BLNK: variants seen among roughly 807,000 people sequenced by gnomAD.
BLNK encodes the protein B cell linker.
A neutral mutation model predicts 73.5 loss-of-function variants in BLNK; 29 were observed. The ratio of observed to expected loss-of-function variants is 0.39; its 90% confidence interval spans 0.29 to 0.54. The LOEUF (loss-of-function observed/expected upper bound fraction) is 0.54. Among genes scored for constraint, BLNK ranks in the 20% least tolerant of loss-of-function variants. BLNK has a pLI of 0.61. For synonymous variants in BLNK, 176 were observed against 200.8 expected (o/e 0.88, Z 1.04); for missense variants, 460 against 562.8 (o/e 0.82, Z 1.85).
At chr10:96,223,719 CAATAGCAGGTTGTAAAGAAGGAGGA>C in intron 6 of BLNK, 82 bp downstream of exon 6, 8 of 1,358,740 alleles carry the variant, frequency 5.9e-6, no homozygotes, top group Non-Finnish European at 6.3e-6. Context: ...AGGGGGCAGT[CAATAGCAGGTTGTAAAGAAGGAGGA>C]CAGCCAGCGG....
chr10:96,241,734 CT>C (rs34238526), intron 3 of BLNK, among the ~76,000 whole-genome samples: 78,150 of 142,410 alleles, frequency 0.55, 23,493 homozygotes, highest in South Asian at 0.7. Flanking sequence ...TCTTTTCTTT[CT>C]TTTTTTTTTT....
chr10:96,250,276 T>C (rs1190631937), intron 1 of BLNK, among the ~76,000 whole-genome samples: 1 of 152,106 alleles, frequency 6.6e-6, no homozygotes, highest in South Asian at 2.1e-4. Context: ...TAGAATTTGT[T>C]CACATATACT....
intron 2 of BLNK, 129 bp from the exon 3 acceptor site, chr10:96,242,913 A>T: frequency 1.2e-6 from 1 of 823,346 alleles, no homozygotes; most frequent in Non-Finnish European, 2.1e-6. Flanking sequence ...GGACCAATCA[A>T]TGGACAGATT....
chr10:96,223,786 C>T lies in BLNK; in HGVS notation c.525+40G>A, dbSNP rs782007128. ...TGTCCTGGTCGCTTGCCCCACCCCC[C>T]TCTGTGTCCTGGGAAGCCTTTGGCA... On this transcript the variant is annotated intron_variant, in intron 6 of 16. Transcript: ENST00000224337. 6 of 1,611,350 alleles carry T rather than the reference C, an allele frequency of 3.7e-6. No homozygotes were observed. The African/African-American group carries it at 6.7e-5, about 18-fold the overall frequency.
At position 96,227,549 on chromosome 10, in the gene BLNK, A is replaced by G. The variant is rs1188567122; in HGVS notation, c.222T>C (p.Asn74=). The G allele has an allele frequency of 6.2e-7, 1 of 1,613,878 alleles. No homozygotes were observed. The highest frequency in any genetic ancestry group is 8.5e-7 in the Non-Finnish European group (1 of 1,180,036). The stretch of plus-strand genomic sequence containing the variant: ...TCTCTGAGTCCGAGTGCTCATCTGG[A>G]TTTTCATAGTCGCTGTCCTGCAAGT... ...WSDDFDSDYE[N]PDEHSDSEMY... is the part of the protein sequence containing the mutation. Residue 74 remains asparagine, a synonymous_variant, in exon 5 of 17, where the codon AAT becomes AAC. Transcript: ENST00000224337.
chr10:96,250,407 A>G (rs1270659869), intron 1 of BLNK, among the ~76,000 whole-genome samples: 2 of 133,698 alleles, frequency 1.5e-5, no homozygotes, highest in African/African-American at 5.0e-5. Flanking sequence ...ACAGACAGAG[A>G]GAGAGGGGGA....
In BLNK at chr10:96,271,520, A is replaced by G; in HGVS notation, c.-122T>C. 9.6e-7 allele frequency: 1 copy of G among 1,040,636 alleles called. No individual in the cohort carries two copies. The highest frequency in any genetic ancestry group is 1.5e-6 in the Non-Finnish European group (1 of 666,276). 64.5% of individuals were successfully genotyped at this position (1,040,636 alleles called of 1,614,324 possible). Reference sequence around the variant, plus strand: ...CAAGGGTTCCGGCCACTCAAGTCTGATTTCTGAGAGTGCAGGCTGCTGGCA... The same window carrying G: ...CAAGGGTTCCGGCCACTCAAGTCTGGTTTCTGAGAGTGCAGGCTGCTGGCA... On this transcript the variant is annotated 5_prime_UTR_variant, in exon 1 of 17. Transcript: ENST00000224337.
At chr10:96,201,455 A>C (rs1554896124) in intron 13 of BLNK, among the ~76,000 whole-genome samples, 1 of 152,240 alleles carries the variant, frequency 6.6e-6, no homozygotes, top group African/African-American at 2.4e-5. Context: ...TGGAAAATAT[A>C]GTTATTTTTC....
chr10:96,228,429 G>C (rs1252250297), intron 4 of BLNK, among the ~76,000 whole-genome samples: 2 of 152,090 alleles, frequency 1.3e-5, no homozygotes, highest in African/African-American at 2.4e-5. Flanking sequence ...GCTAATTTTT[G>C]TATTTTTAGT....
chr10:96,250,446 AAGAG>A (rs56871307), intron 1 of BLNK, among the ~76,000 whole-genome samples: 66,768 of 136,228 alleles, frequency 0.49, 15,058 homozygotes, highest in Middle Eastern at 0.63. Flanking sequence ...GGAAGAGAGA[AAGAG>A]AGAGAGAGAG....
At position 96,199,882 on chromosome 10, in the gene BLNK, G is replaced by C. The variant is rs188559264; in HGVS notation, c.1095+193C>G. The C allele has an allele frequency of 5.5e-3, 1,691 of 308,832 alleles. 7 individuals carry two copies. Among genetic ancestry groups the C allele is most frequent in the Non-Finnish European group, 7.0e-3 (1,194 of 170,834 alleles). The allele number at this position is 308,832 out of a possible 1,614,324, so 19.1% of individuals were successfully genotyped here. A position where few individuals can be genotyped will look rare whatever the true frequency, so the allele number is the denominator to read the frequency against. ...CTACTAAAAATACAAAAATTAGCCG[G>C]GCTTGGGGGCACACACATGTAATCC... On this transcript the variant is annotated intron_variant, in intron 15 of 16. Coordinates refer to ENST00000224337, the MANE Select transcript of BLNK (RefSeq NM_013314.4).
rs782522823 is a variant in BLNK at position 96,223,989 on chromosome 10, T to G, written c.362A>C (p.Asp121Ala). Residue 121 changes from aspartate to alanine, a missense_variant and splice_region_variant, in exon 6 of 17, where the codon GAC (aspartate) becomes GCC (alanine). By Grantham distance (126) the Asp-to-Ala change is moderately radical. Around this residue, in one of 3 missense-constraint regions of BLNK, gnomAD observed 139 missense variants for 187.3 expected, o/e 0.74. Coordinates refer to ENST00000224337, the MANE Select transcript of BLNK (RefSeq NM_013314.4). ...GGAATGCCTCTGGCTTGATCGATTG[T>G]CTTGAAAGGAACAAACAAAAAACAT... The part of the protein sequence containing the change: ...ALPFARGEYI[D>A]NRSSQRHSPP... 1 of 1,612,666 alleles carries G rather than the reference T, an allele frequency of 6.2e-7. No homozygotes were observed. The highest frequency in any genetic ancestry group is 1.1e-5 in the South Asian group (1 of 90,990).
Position 96,247,053 on chromosome 10 carries a change from T to TA in BLNK, c.48-5dup, listed in dbSNP as rs1448659076. Reference sequence around the variant, plus strand: ...ATGGACCATCTTTTGAAGCTGCCTGTAAAAAACAAAATTAAACATAAGATA... The same window carrying TA: ...ATGGACCATCTTTTGAAGCTGCCTGTAAAAAAACAAAATTAAACATAAGATA... On this transcript the variant is annotated splice_polypyrimidine_tract_variant and splice_region_variant and intron_variant, in intron 1 of 16. Coordinates refer to ENST00000224337, the MANE Select transcript of BLNK (RefSeq NM_013314.4). The TA allele has an allele frequency of 1.8e-5, 29 of 1,594,568 alleles. No homozygotes were observed. The highest frequency in any genetic ancestry group is 2.2e-5 in the Non-Finnish European group (26 of 1,169,604).
chr10:96,227,783 G>C (rs782278773), intron 4 of BLNK, among the ~76,000 whole-genome samples: 17 of 148,808 alleles, frequency 1.1e-4, no homozygotes, highest in Non-Finnish European at 2.1e-4. Flanking sequence ...CACTGTCCTT[G>C]GGGGACACAG....
intron 3 of BLNK, chr10:96,238,818 G>C: frequency 3.9e-6 from 1 of 257,768 alleles, no homozygotes; most frequent in Non-Finnish European, 7.3e-6. Context: ...CAATGGATTT[G>C]CAGGGGTCAG....
chr10:96,242,531 T>C (rs1842911897), intron 3 of BLNK, among the ~76,000 whole-genome samples: 1 of 152,178 alleles, frequency 6.6e-6, no homozygotes, highest in African/African-American at 2.4e-5. Flanking sequence ...AAGTGACCAA[T>C]AAATAGGTGG....
At chr10:96,209,013 C>A (rs1591309326) in intron 9 of BLNK, among the ~76,000 whole-genome samples, 1 of 152,208 alleles carries the variant, frequency 6.6e-6, no homozygotes, top group East Asian at 1.9e-4. Context: ...TTCCAAATAA[C>A]CTGTTGAGCC....
intron 1 of BLNK, among the ~76,000 whole-genome samples, chr10:96,253,782 A>G (rs1406117317): frequency 5.3e-5 from 8 of 152,062 alleles, no homozygotes; most frequent in Non-Finnish European, 1.2e-4. Context: ...TTGGGAGGCC[A>G]AGGCGGGCCG....
chr10:96,195,765 A>C (rs7908971), intron 16 of BLNK, among the ~76,000 whole-genome samples: 12,800 of 152,258 alleles, frequency 0.084, 855 homozygotes, highest in African/African-American at 0.18. Context: ...TGAGCTGTAC[A>C]CTTAAAATGA....
Sources: allele counts gnomAD v4.1 joint callset (sites outside exome capture counted in the v4.1 genomes callset), GRCh38; gene constraint gnomAD v4.1.1; regional missense constraint gnomAD v4.1.1; transcripts MANE v1.5; gene names NCBI Gene and HGNC (gene_info 2026-07-23, HGNC 2026-07-21).